The following OGA variants were observed in gnomAD, a reference collection of about 807,000 sequenced individuals.
OGA encodes O-GlcNAcase, also known as protein O-GlcNAcase.
OGA carries 21 observed loss-of-function variants against 102.0 expected under a neutral mutation model. That is an observed-to-expected ratio of 0.21 (90% CI 0.15 to 0.30). OGA has a LOEUF of 0.30. OGA is among the 10% of genes least tolerant of loss of function. The pLI is 1.00. For missense variants in OGA, 765 were observed against 1,107.8 expected, an observed-to-expected ratio of 0.69 and a Z score of 4.39; for synonymous variants, 408 against 378.2, an observed-to-expected ratio of 1.08 and a Z score of -0.91.
chr10:101,816,753 T>C (rs1385424420), intron 1 of OGA, among the ~76,000 whole-genome samples: 1 of 152,212 alleles, frequency 6.6e-6, no homozygotes, highest in South Asian at 2.1e-4. Context: ...AAGTAGCCTG[T>C]TATGGTCTGT....
chr10:101,792,067 G>A, intron 12 of OGA, among the ~76,000 whole-genome samples: 1 of 151,706 alleles, frequency 6.6e-6, no homozygotes, highest in East Asian at 1.9e-4. Flanking sequence ...GCCCCAGGCT[G>A]GAGTGCAGTG....
intron 3 of OGA, 44 bp from the exon 4 acceptor site, chr10:101,810,358 TA>T: frequency 6.5e-7 from 1 of 1,535,710 alleles, no homozygotes. Flanking sequence ...AACAGAAAAC[TA>T]AAAGAACCTT....
intron 5 of OGA, 37 bp downstream of exon 5, chr10:101,807,693 G>T: frequency 7.2e-7 from 1 of 1,393,068 alleles, no homozygotes; most frequent in African/African-American, 1.5e-5. Flanking sequence ...TATATTCCAA[G>T]AAGACTAGTT....
At chr10:101,789,226 C>T (rs2065227835) in intron 14 of OGA, among the ~76,000 whole-genome samples, 1 of 152,136 alleles carries the variant, frequency 6.6e-6, no homozygotes, top group Admixed American at 6.5e-5. Flanking sequence ...AGGCCAGGCG[C>T]GGTGGCTCAC....
At chr10:101,813,756 G>A (rs1349907609) in intron 1 of OGA, 150 bp from the exon 2 acceptor site, 6 of 448,772 alleles carry the variant, frequency 1.3e-5, no homozygotes, top group Non-Finnish European at 2.4e-5. Context: ...AAAATACTAA[G>A]GTTCCTTTAA....
chr10:101,789,676 A>G (rs2065233520), intron 14 of OGA, among the ~76,000 whole-genome samples: 1 of 152,104 alleles, frequency 6.6e-6, no homozygotes, highest in African/African-American at 2.4e-5. Flanking sequence ...GGAACTATCT[A>G]AAAAATGCAT....
Position 101,794,345 on chromosome 10 carries a change from C to T in OGA, c.1985-347G>A, listed in dbSNP as rs2065291959. ...GTCATAAAATTATAGTAACTATTAA[C>T]TAAAATGACTGATAATTAGACACTT... On this transcript the variant is annotated intron_variant, in intron 10 of 15. Transcript: ENST00000361464. 3.3e-5 allele frequency among the ~76,000 whole-genome samples: 5 copies of T among 152,210 alleles called. No individual in the cohort carries two copies. In the South Asian group the frequency reaches 8.3e-4, roughly 25 times the overall value.
At chr10:101,796,303 C>T (rs2065315762) in intron 10 of OGA, among the ~76,000 whole-genome samples, 1 of 152,098 alleles carries the variant, frequency 6.6e-6, no homozygotes, top group African/African-American at 2.4e-5. Context: ...GCTCTGTCAC[C>T]CAGGCTGGAG....
chr10:101,807,737 A>G lies in OGA; in HGVS notation c.645T>C (p.Cys215=), dbSNP rs1391311191. 6.3e-7 allele frequency: 1 copy of G among 1,595,068 alleles called. No homozygotes were observed. The highest frequency in any genetic ancestry group is 8.5e-7 in the Non-Finnish European group (1 of 1,172,552). Residue 215 remains cysteine, a synonymous_variant, in exon 5 of 16, where the codon TGT becomes TGC. Transcript: ENST00000361464. ...YLGEPETFLF[C]PTEYCGTFCY... is the part of the protein sequence containing the mutation. ...AGCCATTATATACAATACCTGTGGGACAGAAGAGGAAAGTTTCTGGCTCTC... is the reference window on the plus strand; with the variant it reads ...AGCCATTATATACAATACCTGTGGGGCAGAAGAGGAAAGTTTCTGGCTCTC...
In OGA at chr10:101,793,916, G is replaced by A. The variant is rs1425572277; in HGVS notation, c.2067C>T (p.Phe689=). The A allele has an allele frequency of 1.2e-6, 2 of 1,601,802 alleles. No individual in the cohort carries two copies. The highest frequency in any genetic ancestry group is 1.7e-6 in the Non-Finnish European group (2 of 1,169,178). ...WAFRGGLAGE[F]QRLLPIDGAN... Reference sequence around the variant, plus strand: ...AGTTGTGAATTCATATTGATACCTGGAACTCTCCTGCTAGACCACCTCTAA... The same window carrying A: ...AGTTGTGAATTCATATTGATACCTGAAACTCTCCTGCTAGACCACCTCTAA... Residue 689 remains phenylalanine (F), a synonymous_variant, in exon 11 of 16, where the codon TTC becomes TTT. Transcript: ENST00000361464.
At chr10:101,809,122 T>C (rs1344990797) in intron 4 of OGA, among the ~76,000 whole-genome samples, 1 of 152,192 alleles carries the variant, frequency 6.6e-6, no homozygotes, top group Non-Finnish European at 1.5e-5. Flanking sequence ...TCTTCGTCCA[T>C]ATAATTGAAG....
intron 5 of OGA, among the ~76,000 whole-genome samples, chr10:101,806,418 T>C (rs114206659): frequency 0.059 from 8,922 of 152,226 alleles, 276 homozygotes; most frequent in Middle Eastern, 0.099. Flanking sequence ...GCTGCCCAGG[T>C]TGGTCGCAAA....
chr10:101,792,887 A>T lies in OGA; in HGVS notation c.2127T>A (p.Thr709=). The change falls in exon 12 of 16, where the codon ACT becomes ACA. Residue 709 remains threonine (T), a synonymous_variant. Coordinates refer to ENST00000361464, the MANE Select transcript of OGA (RefSeq NM_012215.5). The stretch of plus-strand genomic sequence containing the variant: ...TGATAGTATAAACTTTGGAGGTAGG[A>T]GTCAGTGGAGGTGGCTGAAAAAAGA... ...NDLFFQPPPL[T]PTSKVYTIRP... is the part of the protein sequence containing the mutation. The T allele has an allele frequency of 6.2e-7, 1 of 1,613,748 alleles. No homozygotes were observed. The highest frequency in any genetic ancestry group is 8.5e-7 in the Non-Finnish European group (1 of 1,179,640).
At chr10:101,816,173 G>A (rs4548563) in intron 1 of OGA, among the ~76,000 whole-genome samples, 1 of 152,092 alleles carries the variant, frequency 6.6e-6, no homozygotes, top group African/African-American at 2.4e-5. Flanking sequence ...TGAGGGAGGA[G>A]AATTGCTCGA....
intron 1 of OGA, among the ~76,000 whole-genome samples, chr10:101,814,510 A>G (rs1016318290): frequency 1.3e-5 from 2 of 152,222 alleles, no homozygotes; most frequent in Non-Finnish European, 2.9e-5. Flanking sequence ...AACTGCTTGA[A>G]TCCAGGAGGC....
intron 10 of OGA, among the ~76,000 whole-genome samples, chr10:101,796,258 C>A (rs558248567): frequency 6.6e-6 from 1 of 152,060 alleles, no homozygotes; most frequent in African/African-American, 2.4e-5. Context: ...AGGAGCTATA[C>A]AGAGCCTCCC....
At chr10:101,805,392 CAT>C (rs1397074486) in intron 6 of OGA, among the ~76,000 whole-genome samples, 2 of 152,162 alleles carry the variant, frequency 1.3e-5, no homozygotes, top group African/African-American at 2.4e-5. Flanking sequence ...CAGTGGGTCA[CAT>C]GTGTAATCCC....
intron 5 of OGA, among the ~76,000 whole-genome samples, chr10:101,806,923 A>C (rs2065483949): frequency 6.6e-6 from 1 of 152,180 alleles, no homozygotes; most frequent in Non-Finnish European, 1.5e-5. Context: ...AAAATATAAA[A>C]ATTAGCCAGT....
At chr10:101,788,423 A>G (rs1306813878) in intron 14 of OGA, among the ~76,000 whole-genome samples, 13 of 117,662 alleles carry the variant, frequency 1.1e-4, no homozygotes, top group South Asian at 5.1e-4. Context: ...TGGGCGGGGA[A>G]AAAAAAAAAA....
Sources: gnomAD v4.1 joint callset for allele counts (sites outside exome capture counted in the v4.1 genomes callset) on GRCh38, gnomAD v4.1.1 for gene constraint, MANE v1.5 for transcripts, NCBI Gene and HGNC (gene_info 2026-07-23, HGNC 2026-07-21) for gene names.